PCDH7: variants seen among roughly 807,000 people sequenced by gnomAD.
PCDH7 encodes protocadherin 7.
Under a neutral mutation model 58.9 loss-of-function variants are expected in PCDH7, and 17 were observed. The observed-to-expected ratio is 0.29, with a 90% CI of 0.20 to 0.43. PCDH7 has a LOEUF of 0.43. Ranked by LOEUF, PCDH7 falls within the 20% of genes least tolerant of loss-of-function variation. The probability of loss-of-function intolerance (pLI) is 1.00; values close to 1 mark genes in which losing one functional copy is unlikely to be tolerated. For synonymous variants in PCDH7, 664 were observed against 616.4 expected (o/e 1.08, Z -1.14); for missense variants, 1,274 against 1,441.0 (o/e 0.88, Z 1.88).
chr4:30,979,161 C>G (rs956216065), intron 3 of PCDH7, among the ~76,000 whole-genome samples: 1 of 151,228 alleles, frequency 6.6e-6, no homozygotes. Context: ...CCTGTCTCTA[C>G]GAAAAATATA....
intron 1 of PCDH7, among the ~76,000 whole-genome samples, chr4:30,894,857 T>C (rs916972795): frequency 6.6e-6 from 1 of 151,278 alleles, no homozygotes; most frequent in Non-Finnish European, 1.5e-5. Context: ...AGATTCATTC[T>C]CTATAAAACT....
chr4:30,904,837 T>C (rs1740712532), intron 1 of PCDH7, among the ~76,000 whole-genome samples: 1 of 152,152 alleles, frequency 6.6e-6, no homozygotes, highest in Non-Finnish European at 1.5e-5. Flanking sequence ...AAAGTCAGGT[T>C]TCAGTTCAGC....
exon 2 of PCDH7, chr4:30,731,538 C>A (rs1021326422): frequency 6.6e-6 from 1 of 151,820 alleles, no homozygotes; most frequent in Admixed American, 6.6e-5. Flanking sequence ...TTTTTTAATT[C>A]TTTAAGAAAA....
intron 3 of PCDH7, among the ~76,000 whole-genome samples, chr4:30,971,136 A>C (rs1749549175): frequency 1.3e-5 from 2 of 152,332 alleles, no homozygotes; most frequent in South Asian, 2.1e-4. Flanking sequence ...AACTGTGTTA[A>C]GTTGAAAGGT....
rs1423104758 is a variant in PCDH7, at chr4:31,089,195, C to T, written c.*8-53278C>T. On this transcript the variant is annotated intron_variant, in intron 3 of 3. Transcript: ENST00000509759. The stretch of plus-strand genomic sequence containing the variant: ...GGCAAAAGTTGGCCAAATTACATAC[C>T]AGTAGGTATAATTGGACTATGTCTT... Among the ~76,000 whole-genome samples, 3 of 151,834 alleles carry T rather than the reference C, an allele frequency of 2.0e-5. No individual in the cohort carries two copies. The East Asian group carries it at 5.8e-4, about 29-fold the overall frequency.
At chr4:30,765,733 G>C (rs190527115) in intron 1 of PCDH7, among the ~76,000 whole-genome samples, 1 of 152,208 alleles carries the variant, frequency 6.6e-6, no homozygotes, top group South Asian at 2.1e-4. Context: ...TCTCTGATGA[G>C]AGTGTGAGCT....
intron 3 of PCDH7, among the ~76,000 whole-genome samples, chr4:31,013,405 A>G (rs1753348492): frequency 6.6e-6 from 1 of 151,166 alleles, no homozygotes; most frequent in Admixed American, 6.6e-5. Context: ...AGACATACAT[A>G]TTATATACAC....
chr4:30,726,075 C>T (rs1306287778), intron 1 of PCDH7, among the ~76,000 whole-genome samples: 1 of 151,994 alleles, frequency 6.6e-6, no homozygotes, highest in African/African-American at 2.4e-5. Context: ...CAACATTTGA[C>T]ATAGTGGAGT....
intron 3 of PCDH7, among the ~76,000 whole-genome samples, chr4:31,020,165 G>A (rs1454399800): frequency 2.6e-5 from 4 of 152,126 alleles, no homozygotes; most frequent in Non-Finnish European, 5.9e-5. Flanking sequence ...CCATTTCAAC[G>A]TTGTAAAAGC....
intron 3 of PCDH7, among the ~76,000 whole-genome samples, chr4:30,960,669 C>T (rs908710162): frequency 6.6e-6 from 1 of 152,062 alleles, no homozygotes; most frequent in Non-Finnish European, 1.5e-5. Context: ...TATTATTTAC[C>T]TTCTTTTGAG....
At chr4:30,873,804 T>C (rs1338993880) in intron 1 of PCDH7, among the ~76,000 whole-genome samples, 1 of 152,054 alleles carries the variant, frequency 6.6e-6, no homozygotes, top group Non-Finnish European at 1.5e-5. Context: ...TTTTGTGGGT[T>C]TGTTGCTTAA....
At chr4:30,824,111 CTTTCTTTCTT>C (rs1245687384) in intron 1 of PCDH7, among the ~76,000 whole-genome samples, 1 of 140,064 alleles carries the variant, frequency 7.1e-6, no homozygotes, top group East Asian at 2.2e-4. Flanking sequence ...TTCTTTCTTT[CTTTCTTTCTT>C]TCTTTCTTTC....
chr4:30,824,111 C>CTTTT (rs1313618309), intron 1 of PCDH7, among the ~76,000 whole-genome samples: 3 of 140,064 alleles, frequency 2.1e-5, no homozygotes, highest in African/African-American at 8.0e-5. Context: ...TTCTTTCTTT[C>CTTTT]TTTCTTTCTT....
intron 1 of PCDH7, chr4:30,884,372 C>T (rs1737401666): frequency 6.6e-6 from 1 of 152,002 alleles, no homozygotes; most frequent in African/African-American, 2.4e-5. Flanking sequence ...GTGCTTTTTC[C>T]CTGAGTTATC....
chr4:31,061,443 T>C (rs957230668), intron 3 of PCDH7, among the ~76,000 whole-genome samples: 1 of 151,630 alleles, frequency 6.6e-6, no homozygotes, highest in African/African-American at 2.4e-5. Flanking sequence ...TTAATCTTTG[T>C]TTCTTAACAG....
At chr4:30,895,140 A>G (rs1739244895) in intron 1 of PCDH7, among the ~76,000 whole-genome samples, 1 of 151,710 alleles carries the variant, frequency 6.6e-6, no homozygotes, top group Admixed American at 6.6e-5. Flanking sequence ...TTCAGCAAAA[A>G]AAAAATAATA....
chr4:31,127,052 C>G (rs1718397634), intron 3 of PCDH7, among the ~76,000 whole-genome samples: 1 of 152,090 alleles, frequency 6.6e-6, no homozygotes, highest in African/African-American at 2.4e-5. Context: ...CCACTTCTGG[C>G]AAAGTCAAAC....
intron 2 of PCDH7, among the ~76,000 whole-genome samples, chr4:30,930,762 T>C (rs1041501405): frequency 2.0e-5 from 3 of 150,704 alleles, no homozygotes; most frequent in African/African-American, 7.4e-5. Flanking sequence ...TGAGACCCTG[T>C]CTCTGCAAAA....
At chr4:30,960,744 A>G (rs1748332385) in intron 3 of PCDH7, among the ~76,000 whole-genome samples, 1 of 152,214 alleles carries the variant, frequency 6.6e-6, no homozygotes, top group Non-Finnish European at 1.5e-5. Flanking sequence ...GCTGTTAAGA[A>G]GGCCTTTTCC....
Sources: gnomAD v4.1 joint callset for allele counts (sites outside exome capture counted in the v4.1 genomes callset) on GRCh38, gnomAD v4.1.1 for gene constraint, MANE v1.5 for transcripts, NCBI Gene and HGNC (gene_info 2026-07-23, HGNC 2026-07-21) for gene names.